Variants in SV2C observed in about 807,000 individuals in gnomAD.
The protein encoded by SV2C is synaptic vesicle glycoprotein 2C, also known as solute carrier family 22 member B3.
In SV2C, 49 loss-of-function variants were observed where a neutral mutation model predicts 79.7. The observed-to-expected ratio is 0.61, with a 90% confidence interval of 0.49 to 0.78. The LOEUF (loss-of-function observed/expected upper bound fraction) is 0.78. SV2C is among the 30% of genes least tolerant of loss of function. SV2C has a pLI of 0.00. For synonymous variants in SV2C, 334 were observed against 333.2 expected, an observed-to-expected ratio of 1.00 and a Z score of -0.03; for missense variants, 833 against 912.9, an observed-to-expected ratio of 0.91 and a Z score of 1.13.
the SV2C span, among the ~76,000 whole-genome samples, chr5:75,990,832 G>A: frequency 7.0e-4 from 107 of 152,090 alleles, no homozygotes; most frequent in African/African-American, 2.5e-3. Flanking sequence ...TATACCTCAA[G>A]GCTAGAAGAG....
intron 2 of SV2C, among the ~76,000 whole-genome samples, chr5:76,142,224 A>T (rs2878766): frequency 6.6e-6 from 1 of 152,256 alleles, no homozygotes; most frequent in East Asian, 1.9e-4. Context: ...AAGTAAAAGA[A>T]GTAAATGAGT....
chr5:75,972,594 C>T, the SV2C span, among the ~76,000 whole-genome samples: 1 of 152,110 alleles, frequency 6.6e-6, no homozygotes, highest in African/African-American at 2.4e-5. Context: ...CATCACTGGC[C>T]ATCAGAGAAA....
rs149758014 is a variant in SV2C, at chr5:76,136,176, G to A, written c.580+3846G>A. Among the ~76,000 whole-genome samples, 205 of 152,318 alleles carry A rather than the reference G, an allele frequency of 1.3e-3. 2 individuals carry two copies. The highest frequency in any genetic ancestry group is 4.3e-3 in the African/African-American group (179 of 41,560). ...AATGTACTTTTATAACTAAACCTGA[G>A]CTAATTAATAGTGAAACATCCTGTG... On this transcript the variant is annotated intron_variant, in intron 2 of 12. Transcript: ENST00000502798.
chr5:76,137,396 T>C (rs1209470967), intron 2 of SV2C, among the ~76,000 whole-genome samples: 1 of 152,028 alleles, frequency 6.6e-6, no homozygotes, highest in Non-Finnish European at 1.5e-5. Context: ...AGCAGGTAGT[T>C]GAGGATGATA....
At chr5:76,110,042 A>C (rs1185134989) in intron 1 of SV2C, among the ~76,000 whole-genome samples, 1 of 152,212 alleles carries the variant, frequency 6.6e-6, no homozygotes, top group Non-Finnish European at 1.5e-5. Context: ...CTTCAGAGGT[A>C]TGGCCATCCA....
At chr5:76,336,341 T>G (rs1195573466), downstream of SV2C, among the ~76,000 whole-genome samples, 1 of 148,596 alleles carries the variant, frequency 6.7e-6, no homozygotes, top group Non-Finnish European at 1.5e-5. Context: ...GGATGGCGGC[T>G]GGGAAGAGGC....
intron 4 of SV2C, among the ~76,000 whole-genome samples, chr5:76,235,694 AT>A (rs199558248): frequency 4.1e-5 from 6 of 145,058 alleles, no homozygotes; most frequent in South Asian, 4.2e-4. Context: ...AGGGATTAAG[AT>A]TTTTTTTCAA....
the SV2C span, among the ~76,000 whole-genome samples, chr5:76,023,371 G>A: frequency 6.6e-6 from 1 of 152,094 alleles, no homozygotes; most frequent in African/African-American, 2.4e-5. Context: ...TCATTTTGTG[G>A]GGGGACTCAA....
chr5:76,211,639 T>G (rs1490662541), intron 4 of SV2C, among the ~76,000 whole-genome samples: 1 of 152,240 alleles, frequency 6.6e-6, no homozygotes, highest in African/African-American at 2.4e-5. Flanking sequence ...ACTCATTCTT[T>G]GCTCATTTTT....
At chr5:76,104,032 C>T (rs919497599) in intron 1 of SV2C, among the ~76,000 whole-genome samples, 1 of 152,144 alleles carries the variant, frequency 6.6e-6, no homozygotes, top group African/African-American at 2.4e-5. Context: ...TAACTTTATT[C>T]TATGTAGTCT....
chr5:76,335,197 C>G (rs1749286444), downstream of SV2C, among the ~76,000 whole-genome samples: 1 of 152,068 alleles, frequency 6.6e-6, no homozygotes, highest in Admixed American at 6.5e-5. Flanking sequence ...GCATTCACAC[C>G]CCTCTGCAGG....
At chr5:76,320,592 T>G (rs1748796973) in intron 12 of SV2C, among the ~76,000 whole-genome samples, 1 of 151,742 alleles carries the variant, frequency 6.6e-6, no homozygotes, top group Admixed American at 6.5e-5. Flanking sequence ...CTATTCATAT[T>G]TCTAAAAAAC....
chr5:75,991,368 C>T, the SV2C span, among the ~76,000 whole-genome samples: 1 of 151,308 alleles, frequency 6.6e-6, no homozygotes, highest in Non-Finnish European at 1.5e-5. Flanking sequence ...GTCATATACA[C>T]AGCAAATATT....
At chr5:76,349,093 C>T (rs1379178449) in intron 12 of SV2C, among the ~76,000 whole-genome samples, 1 of 152,196 alleles carries the variant, frequency 6.6e-6, no homozygotes, top group Non-Finnish European at 1.5e-5. Flanking sequence ...GGATAAGTTG[C>T]TTAACTTCTC....
the SV2C span, among the ~76,000 whole-genome samples, chr5:76,031,503 G>T: frequency 0.19 from 29,519 of 152,174 alleles, 3,193 homozygotes; most frequent in East Asian, 0.44. Flanking sequence ...CCAGTTACCT[G>T]ACTCTGCAGT....
At chr5:76,245,994 T>G (rs1237289838) in intron 4 of SV2C, among the ~76,000 whole-genome samples, 1 of 151,360 alleles carries the variant, frequency 6.6e-6, no homozygotes, top group Non-Finnish European at 1.5e-5. Context: ...TAGAAGGTTT[T>G]TTTTCCAGCA....
intron 1 of SV2C, among the ~76,000 whole-genome samples, chr5:76,095,007 A>G (rs1747504929): frequency 6.6e-6 from 1 of 151,878 alleles, no homozygotes; most frequent in African/African-American, 2.4e-5. Flanking sequence ...TGTGGTATCT[A>G]AAAATCTCAC....
chr5:75,977,437 A>G, the SV2C span, among the ~76,000 whole-genome samples: 3 of 152,178 alleles, frequency 2.0e-5, no homozygotes, highest in Non-Finnish European at 4.4e-5. Context: ...CAGAAAGTCC[A>G]CTTCCTCTGC....
the SV2C span, among the ~76,000 whole-genome samples, chr5:75,955,612 TA>T: frequency 6.9e-6 from 1 of 145,686 alleles, no homozygotes; most frequent in South Asian, 2.2e-4. Context: ...ACAGGCAACC[TA>T]CAAAATGGGA....
Sources: allele counts gnomAD v4.1 joint callset (sites outside exome capture counted in the v4.1 genomes callset), GRCh38; gene constraint gnomAD v4.1.1; transcripts MANE v1.5; gene names NCBI Gene and HGNC (gene_info 2026-07-23, HGNC 2026-07-21).